GALNTL6: variants seen among roughly 807,000 people sequenced by gnomAD.
GALNTL6 encodes the protein polypeptide N-acetylgalactosaminyltransferase-like 6.
In GALNTL6, 46 loss-of-function variants were observed where a neutral mutation model predicts 73.7. The observed-to-expected ratio is 0.62, with a 90% CI of 0.49 to 0.80. GALNTL6 has a LOEUF of 0.80. Among genes scored for constraint, GALNTL6 ranks in the 30% least tolerant of loss-of-function variants. GALNTL6 has a pLI of 0.00. For synonymous variants in GALNTL6, 259 were observed against 263.7 expected, an observed-to-expected ratio of 0.98 and a Z score of 0.17; for missense variants, 604 against 755.0, an observed-to-expected ratio of 0.80 and a Z score of 2.34.
intron 2 of GALNTL6, among the ~76,000 whole-genome samples, chr4:172,054,845 T>C (rs1009338895): frequency 2.0e-5 from 3 of 152,196 alleles, no homozygotes; most frequent in Non-Finnish European, 4.4e-5. Context: ...TGCCTTTTCA[T>C]TAATGATCAA....
chr4:172,239,051 C>G (rs1560984813), intron 3 of GALNTL6, among the ~76,000 whole-genome samples: 1 of 151,916 alleles, frequency 6.6e-6, no homozygotes, highest in African/African-American at 2.4e-5. Context: ...AAGATATTAG[C>G]CTATAATTTT....
chr4:172,754,352 C>T (rs1737616221), intron 5 of GALNTL6, among the ~76,000 whole-genome samples: 1 of 152,124 alleles, frequency 6.6e-6, no homozygotes. Flanking sequence ...GGTTGGATCA[C>T]CTGAGGTCAG....
intron 2 of GALNTL6, among the ~76,000 whole-genome samples, chr4:172,172,194 G>GT (rs1734851013): frequency 6.6e-6 from 1 of 151,916 alleles, no homozygotes; most frequent in South Asian, 2.1e-4. Context: ...GCTTTTTTGT[G>GT]TTTTTTGTTT....
At chr4:172,223,197 C>G (rs946977611) in intron 2 of GALNTL6, among the ~76,000 whole-genome samples, 4 of 151,936 alleles carry the variant, frequency 2.6e-5, no homozygotes, top group African/African-American at 9.7e-5. Flanking sequence ...AGTTCAAGGT[C>G]TATTTTATTT....
intron 5 of GALNTL6, among the ~76,000 whole-genome samples, chr4:172,481,091 G>T (rs1733446052): frequency 6.6e-6 from 1 of 152,166 alleles, no homozygotes; most frequent in Admixed American, 6.6e-5. Context: ...GGTGTGTCCG[G>T]AGTTTGTTAC....
chr4:171,861,397 T>A (rs1735827888), intron 2 of GALNTL6, among the ~76,000 whole-genome samples: 1 of 152,170 alleles, frequency 6.6e-6, no homozygotes, highest in East Asian at 1.9e-4. Context: ...ATAAAATAGT[T>A]TAATTGACAT....
At chr4:172,271,450 T>C (rs1487352062) in intron 3 of GALNTL6, among the ~76,000 whole-genome samples, 1 of 152,080 alleles carries the variant, frequency 6.6e-6, no homozygotes, top group African/African-American at 2.4e-5. Flanking sequence ...TACATACATA[T>C]ATATATAGTT....
chr4:172,123,880 A>G (rs1018542735), intron 2 of GALNTL6, among the ~76,000 whole-genome samples: 4 of 152,134 alleles, frequency 2.6e-5, no homozygotes, highest in African/African-American at 9.7e-5. Context: ...AAGTTTCTCA[A>G]ATTGGTCAGG....
intron 7 of GALNTL6, among the ~76,000 whole-genome samples, chr4:172,828,502 A>G (rs904923488): frequency 6.6e-6 from 1 of 152,104 alleles, no homozygotes; most frequent in African/African-American, 2.4e-5. Flanking sequence ...ACAGGATCCT[A>G]TGAGCCTACC....
chr4:172,218,031 A>T (rs746982206), intron 2 of GALNTL6, among the ~76,000 whole-genome samples: 1 of 152,004 alleles, frequency 6.6e-6, no homozygotes, highest in African/African-American at 2.4e-5. Context: ...CACCGTTTTT[A>T]TACTGTAACC....
chr4:172,717,756 G>T (rs1399876717), intron 5 of GALNTL6, among the ~76,000 whole-genome samples: 1 of 152,152 alleles, frequency 6.6e-6, no homozygotes, highest in African/African-American at 2.4e-5. Flanking sequence ...TGGTATCCTG[G>T]TGACTTGAAA....
chr4:172,278,744 A>G (rs1738924399), intron 3 of GALNTL6, among the ~76,000 whole-genome samples: 1 of 152,218 alleles, frequency 6.6e-6, no homozygotes, highest in African/African-American at 2.4e-5. Flanking sequence ...TTTCAAAAAA[A>G]TTAAGAACTC....
At chr4:172,552,366 T>G (rs529342785) in intron 5 of GALNTL6, among the ~76,000 whole-genome samples, 1 of 152,258 alleles carries the variant, frequency 6.6e-6, no homozygotes, top group East Asian at 1.9e-4. Context: ...CCAAGATTCT[T>G]GTTATTAAAA....
At chr4:172,091,251 A>C (rs1247547842) in intron 2 of GALNTL6, among the ~76,000 whole-genome samples, 1 of 152,160 alleles carries the variant, frequency 6.6e-6, no homozygotes, top group Non-Finnish European at 1.5e-5. Context: ...GTGATTGTTC[A>C]TATAGAGTCT....
chr4:172,165,565 CAT>C (rs2110803707), intron 2 of GALNTL6, among the ~76,000 whole-genome samples: 1 of 152,160 alleles, frequency 6.6e-6, no homozygotes, highest in African/African-American at 2.4e-5. Flanking sequence ...CCTTTACAAA[CAT>C]AATTTAAGTA....
intron 5 of GALNTL6, among the ~76,000 whole-genome samples, chr4:172,627,110 C>T (rs1739198954): frequency 6.6e-6 from 1 of 152,060 alleles, no homozygotes; most frequent in Admixed American, 6.6e-5. Context: ...TTTGTCCATT[C>T]AATATGATGT....
chr4:172,177,038 C>G (rs2110838506), intron 2 of GALNTL6, among the ~76,000 whole-genome samples: 1 of 152,118 alleles, frequency 6.6e-6, no homozygotes, highest in East Asian at 1.9e-4. Flanking sequence ...TTATATGATC[C>G]AGACACCCCA....
intron 2 of GALNTL6, among the ~76,000 whole-genome samples, chr4:172,077,885 C>T (rs1731750637): frequency 6.6e-6 from 1 of 152,106 alleles, no homozygotes; most frequent in African/African-American, 2.4e-5. Context: ...GTGTTATGGG[C>T]CAGGCCCAGG....
chr4:172,712,739 G>A (rs1368220165), intron 5 of GALNTL6, among the ~76,000 whole-genome samples: 2 of 152,126 alleles, frequency 1.3e-5, no homozygotes, highest in African/African-American at 4.8e-5. Flanking sequence ...ATGTATGCTT[G>A]TACAACAAGG....
Sources: gnomAD v4.1 joint callset for allele counts (sites outside exome capture counted in the v4.1 genomes callset) on GRCh38, gnomAD v4.1.1 for gene constraint, MANE v1.5 for transcripts, NCBI Gene and HGNC (gene_info 2026-07-23, HGNC 2026-07-21) for gene names.